TRPC7: variants seen among roughly 807,000 people sequenced by gnomAD.
TRPC7 encodes short transient receptor potential channel 7.
A neutral mutation model predicts 90.1 loss-of-function variants in TRPC7; 42 were observed. That is an observed-to-expected ratio of 0.47 (90% CI 0.36 to 0.60). TRPC7 has a LOEUF of 0.60. TRPC7 is among the 20% of genes least tolerant of loss of function. The pLI is 0.00. For missense variants in TRPC7, 955 were observed against 1,112.3 expected (o/e 0.86, Z 2.01); for synonymous variants, 451 against 436.3 (o/e 1.03, Z -0.42).
chr5:136,289,228 G>A (rs948762313), intron 3 of TRPC7, among the ~76,000 whole-genome samples: 3 of 152,178 alleles, frequency 2.0e-5, no homozygotes, highest in Admixed American at 6.5e-5. Flanking sequence ...CTCCCAGCAT[G>A]AGCGACGCAG....
rs181337957 is a variant in TRPC7 at position 136,237,769 on chromosome 5, C to T, written c.1845-6220G>A. Among the ~76,000 whole-genome samples the T allele has an allele frequency of 2.3e-3, 348 of 152,298 alleles. 1 individual carries two copies. Among genetic ancestry groups the T allele is most frequent in the Admixed American group, 4.2e-3 (64 of 15,298 alleles). ...CATACTAATTGCTCAATTAATGTTA[C>T]TAATTTTATTACTAGTGTTCATTTT... is the stretch of plus-strand genomic sequence containing the variant. On this transcript the variant is annotated intron_variant, in intron 7 of 11. Coordinates refer to ENST00000513104, the MANE Select transcript of TRPC7 (RefSeq NM_020389.3).
chr5:136,337,707 A>C (rs965272810), intron 2 of TRPC7, among the ~76,000 whole-genome samples: 2 of 152,192 alleles, frequency 1.3e-5, no homozygotes, highest in African/African-American at 4.8e-5. Context: ...GAAGACTTCA[A>C]ATTTCCAATG....
chr5:136,332,184 G>GT (rs397741712), intron 2 of TRPC7, among the ~76,000 whole-genome samples: 1 of 41,128 alleles, frequency 2.4e-5, no homozygotes, highest in Non-Finnish European at 7.1e-5. Flanking sequence ...GAGGGTCCCC[G>GT]TGCTAAGAGG....
At chr5:136,221,571 A>C (rs1390305485) in intron 10 of TRPC7, among the ~76,000 whole-genome samples, 4 of 152,216 alleles carry the variant, frequency 2.6e-5, no homozygotes, top group African/African-American at 4.8e-5. Flanking sequence ...CATACTGTAC[A>C]CTGATGATGG....
At chr5:136,243,849 C>T (rs1006091220) in intron 7 of TRPC7, among the ~76,000 whole-genome samples, 3 of 152,288 alleles carry the variant, frequency 2.0e-5, no homozygotes, top group African/African-American at 7.2e-5. Context: ...ATTTCAGGAA[C>T]TGCCACGGCG....
intron 3 of TRPC7, among the ~76,000 whole-genome samples, chr5:136,310,703 C>A (rs146862829): frequency 6.6e-6 from 1 of 152,276 alleles, no homozygotes; most frequent in Non-Finnish European, 1.5e-5. Flanking sequence ...CAGGTGTGAA[C>A]GCTACTTTGC....
At chr5:136,287,821 A>G (rs937756404) in intron 3 of TRPC7, among the ~76,000 whole-genome samples, 4 of 151,294 alleles carry the variant, frequency 2.6e-5, no homozygotes, top group Non-Finnish European at 4.4e-5. Context: ...GGCATCAGGT[A>G]TCCATAGGAG....
At chr5:136,306,119 A>T (rs553739456) in intron 3 of TRPC7, among the ~76,000 whole-genome samples, 1 of 152,252 alleles carries the variant, frequency 6.6e-6, no homozygotes, top group South Asian at 2.1e-4. Flanking sequence ...GCCGGTTTAC[A>T]CTGTTTCTCC....
Position 136,313,284 on chromosome 5 carries a change from G to C in TRPC7, c.963+2313C>G, listed in dbSNP as rs185881798. On this transcript the variant is annotated intron_variant, in intron 3 of 11. Transcript: ENST00000513104. ...TAAGACCAACTTGTTTTCTTAAGTC[G>C]CTGAATTAATGGGTTGATTTTATGC... 3.6e-4 allele frequency among the ~76,000 whole-genome samples: 55 copies of C among 152,142 alleles called. No homozygotes were observed. The East Asian group carries it at 9.8e-3, about 27-fold the overall frequency.
At chr5:136,226,435 A>G (rs750999143) in intron 8 of TRPC7, 180 bp from the exon 9 acceptor site, 2 of 598,730 alleles carry the variant, frequency 3.3e-6, no homozygotes, top group Non-Finnish European at 5.9e-6. Flanking sequence ...AACCATGCAC[A>G]ATGGTCACTT....
chr5:136,217,541 A>C (rs576692920), intron 10 of TRPC7, among the ~76,000 whole-genome samples: 1 of 152,322 alleles, frequency 6.6e-6, no homozygotes, highest in African/African-American at 2.4e-5. Flanking sequence ...CTCATGGGCC[A>C]ACTGGCTGTG....
Position 136,274,688 on chromosome 5 carries a change from A to G in TRPC7, c.1113T>C (p.Ile371=), listed in dbSNP as rs1055690079. 5 of 1,613,556 alleles carry G rather than the reference A, an allele frequency of 3.1e-6. No homozygotes were observed. The highest frequency in any genetic ancestry group is 4.2e-6 in the Non-Finnish European group (5 of 1,179,782). ...GLPFLAIAYW[I]APCSKLGRTL... is the part of the protein sequence containing the mutation. ...CAGTCTGTACCTTGCTGCACGGAGCAATCCAATAGGCTATGGCGAGAAAAG... is the reference window on the plus strand; with the variant it reads ...CAGTCTGTACCTTGCTGCACGGAGCGATCCAATAGGCTATGGCGAGAAAAG... Residue 371 remains isoleucine, a synonymous_variant, in exon 4 of 12, where the codon ATT becomes ATC. Transcript: ENST00000513104.
intron 7 of TRPC7, among the ~76,000 whole-genome samples, chr5:136,240,479 G>A (rs1448348779): frequency 6.6e-6 from 1 of 152,174 alleles, no homozygotes; most frequent in Non-Finnish European, 1.5e-5. Flanking sequence ...AGCTCACTTT[G>A]GAATAGAAAC....
At chr5:136,213,995 T>G (rs561766347) in intron 11 of TRPC7, 1 of 184,652 alleles carries the variant, frequency 5.4e-6, no homozygotes, top group East Asian at 1.4e-4. Flanking sequence ...GCATTGCTTT[T>G]GATGATGCTA....
At chr5:136,287,169 C>G (rs1439583946) in intron 3 of TRPC7, among the ~76,000 whole-genome samples, 2 of 152,126 alleles carry the variant, frequency 1.3e-5, no homozygotes, top group African/African-American at 4.8e-5. Flanking sequence ...GTCTTGTTTT[C>G]TTGCCTGAAT....
chr5:136,266,436 G>C lies in TRPC7; in HGVS notation c.1129C>G (p.Leu377Val). The C allele has an allele frequency of 6.2e-7, 1 of 1,612,496 alleles. No homozygotes were observed. Among genetic ancestry groups the C allele is most frequent in the Non-Finnish European group, 8.5e-7 (1 of 1,179,024 alleles). ...IAYWIAPCSK[L>V]GRTLRSPFMK... is the part of the protein sequence containing the mutation. ...AAAGGGCTCCTCAGGGTTCGTCCTAGCTGGAAAGAAAATGTGTTCAAGACA... is the reference window on the plus strand; with the variant it reads ...AAAGGGCTCCTCAGGGTTCGTCCTACCTGGAAAGAAAATGTGTTCAAGACA... The change falls in exon 5 of 12, where the codon CTA becomes GTA. Residue 377 changes from leucine to valine, a missense_variant and splice_region_variant. Physicochemically the swap from Leu to Val is conservative, Grantham distance 32 (BLOSUM62 1). Coordinates refer to ENST00000513104, the MANE Select transcript of TRPC7 (RefSeq NM_020389.3).
intron 3 of TRPC7, among the ~76,000 whole-genome samples, chr5:136,306,994 T>TG (rs1256708462): frequency 6.6e-6 from 1 of 152,200 alleles, no homozygotes; most frequent in Non-Finnish European, 1.5e-5. Context: ...AAAGCCTGTT[T>TG]GGTGGTCTCT....
chr5:136,253,419 G>A (rs1169402483), intron 5 of TRPC7, among the ~76,000 whole-genome samples: 1 of 152,092 alleles, frequency 6.6e-6, no homozygotes, highest in Non-Finnish European at 1.5e-5. Context: ...GCAACCTTGT[G>A]TTGGGAAAGT....
intron 7 of TRPC7, among the ~76,000 whole-genome samples, chr5:136,245,189 G>A (rs201797401): frequency 2.6e-5 from 4 of 152,176 alleles, no homozygotes; most frequent in African/African-American, 7.2e-5. Flanking sequence ...CTAGTCTGTC[G>A]GTCCATGGGG....
Sources: gnomAD v4.1 joint callset for allele counts (sites outside exome capture counted in the v4.1 genomes callset) on GRCh38, gnomAD v4.1.1 for gene constraint, MANE v1.5 for transcripts, NCBI Gene and HGNC (gene_info 2026-07-23, HGNC 2026-07-21) for gene names.